The following MAP3K5 variants were observed in gnomAD, a reference collection of about 807,000 sequenced individuals.
MAP3K5 encodes the protein mitogen-activated protein kinase kinase kinase 5, also known as ASK-1.
MAP3K5 carries 56 observed loss-of-function variants against 158.7 expected under a neutral mutation model. The observed-to-expected ratio is 0.35, with a 90% confidence interval of 0.28 to 0.44. The LOEUF is 0.44. MAP3K5 is among the 20% of genes least tolerant of loss of function. The pLI is 1.00. For synonymous variants in MAP3K5, 579 were observed against 601.7 expected (o/e 0.96, Z 0.55); for missense variants, 1,294 against 1,674.8 (o/e 0.77, Z 3.97).
chr6:136,678,654 T>C lies in MAP3K5; in HGVS notation c.1254-9259A>G, dbSNP rs144281274. Among the ~76,000 whole-genome samples, 8 of 152,254 alleles carry C rather than the reference T, an allele frequency of 5.3e-5. No homozygotes were observed. The East Asian group carries it at 5.8e-4, about 11-fold the overall frequency. ...TTTAGTGGCTATCTTTGAGTAACCA[T>C]ACGAAGTTATTTCCACTCCTGTTGA... On this transcript the variant is annotated intron_variant, in intron 7 of 29. Transcript: ENST00000359015.
Position 136,562,606 on chromosome 6 carries a change from T to C in MAP3K5, c.3771A>G (p.Glu1257=). The change falls in exon 27 of 30, where the codon GAA becomes GAG. Residue 1257 remains glutamate, a synonymous_variant. Coordinates refer to ENST00000359015, the MANE Select transcript of MAP3K5 (RefSeq NM_005923.4). ...ATTCTTTCTCTTTCCGAACCAATTC[T>C]TCCAGTAATCTGCAGAAGAAAAATA... ...RMKIETNRLL[E]ELVRKEKELQ... is the part of the protein sequence containing the mutation. 1 of 1,584,862 alleles carries C rather than the reference T, an allele frequency of 6.3e-7. No individual in the cohort carries two copies. Among genetic ancestry groups the C allele is most frequent in the African/African-American group, 1.4e-5 (1 of 73,656 alleles).
chr6:136,692,751 T>A (rs1780441002), intron 7 of MAP3K5, among the ~76,000 whole-genome samples: 1 of 152,174 alleles, frequency 6.6e-6, no homozygotes, highest in Admixed American at 6.5e-5. Flanking sequence ...TTAAGAAATC[T>A]TTGCCCCAGT....
At chr6:136,778,074 T>TA (rs1392880352) in intron 1 of MAP3K5, among the ~76,000 whole-genome samples, 1 of 152,196 alleles carries the variant, frequency 6.6e-6, no homozygotes, top group African/African-American at 2.4e-5. Flanking sequence ...TCTCAGGCAA[T>TA]AACTCTTATT....
At chr6:136,661,443 T>C (rs1779001634) in intron 8 of MAP3K5, among the ~76,000 whole-genome samples, 4 of 152,220 alleles carry the variant, frequency 2.6e-5, no homozygotes. Context: ...TCGCCCAGGC[T>C]GGAGTGCAGT....
At chr6:136,572,902 G>C (rs1774433754) in intron 25 of MAP3K5, among the ~76,000 whole-genome samples, 2 of 152,172 alleles carry the variant, frequency 1.3e-5, no homozygotes, top group South Asian at 4.1e-4. Flanking sequence ...AGAGCGCTGA[G>C]AGCACATTGA....
At chr6:136,721,674 G>A (rs572029755) in intron 1 of MAP3K5, among the ~76,000 whole-genome samples, 4 of 152,228 alleles carry the variant, frequency 2.6e-5, no homozygotes, top group Middle Eastern at 3.4e-3. Flanking sequence ...TCAGCATCTC[G>A]AACATGCTCC....
chr6:136,724,146 G>T lies in MAP3K5; in HGVS notation c.449-3557C>A, dbSNP rs189983644. Among the ~76,000 whole-genome samples the T allele has an allele frequency of 6.6e-4, 101 of 151,932 alleles. 1 individual carries two copies. Among genetic ancestry groups the T allele is most frequent in the Middle Eastern group, 3.4e-3 (1 of 292 alleles). On this transcript the variant is annotated intron_variant, in intron 1 of 29. Coordinates refer to ENST00000359015, the MANE Select transcript of MAP3K5 (RefSeq NM_005923.4). ...AAAATACTAGCTAAGTTAAAGTAAT[G>T]AAAGGAGGGGATAAATTTTTCCAGA...
At position 136,611,599 on chromosome 6, in the gene MAP3K5, C is replaced by T. The variant is rs571905572; in HGVS notation, c.2416-212G>A. The stretch of plus-strand genomic sequence containing the variant: ...ATCAGTTTGAAACCAACCGCCTTTG[C>T]GAAAATTACAACAGTGAGAAAATTA... On this transcript the variant is annotated intron_variant, in intron 17 of 29. Transcript: ENST00000359015. Among the ~76,000 whole-genome samples, 8 of 152,300 alleles carry T rather than the reference C, an allele frequency of 5.3e-5. No individual in the cohort carries two copies. In the South Asian group the frequency reaches 6.2e-4, roughly 12 times the overall value.
At chr6:136,643,025 C>T (rs544608811) in intron 11 of MAP3K5, among the ~76,000 whole-genome samples, 33 of 152,198 alleles carry the variant, frequency 2.2e-4, no homozygotes, top group South Asian at 4.1e-4. Context: ...ACTAAATAGG[C>T]GGTTCTATTT....
At chr6:136,560,081 A>G (rs1830438466) in intron 28 of MAP3K5, among the ~76,000 whole-genome samples, 1 of 139,476 alleles carries the variant, frequency 7.2e-6, no homozygotes, top group Non-Finnish European at 1.5e-5. Flanking sequence ...ATAAAACAAA[A>G]CAATATTGTA....
intron 8 of MAP3K5, among the ~76,000 whole-genome samples, chr6:136,666,195 A>C (rs552205426): frequency 6.6e-6 from 1 of 152,356 alleles, no homozygotes; most frequent in South Asian, 2.1e-4. Flanking sequence ...GGAAAAGTAA[A>C]ACACAGATCC....
chr6:136,638,138 A>G (rs770095034), intron 13 of MAP3K5, among the ~76,000 whole-genome samples: 1 of 152,198 alleles, frequency 6.6e-6, no homozygotes, highest in Non-Finnish European at 1.5e-5. Flanking sequence ...CCTGATTGGA[A>G]TAACAGTTTG....
intron 8 of MAP3K5, among the ~76,000 whole-genome samples, chr6:136,661,796 C>T (rs1356905966): frequency 6.6e-6 from 1 of 152,178 alleles, no homozygotes; most frequent in Non-Finnish European, 1.5e-5. Context: ...TCGCCTTGGC[C>T]TCCCAAAGTT....
At chr6:136,629,675 C>T (rs1027689839) in intron 14 of MAP3K5, among the ~76,000 whole-genome samples, 2 of 152,134 alleles carry the variant, frequency 1.3e-5, no homozygotes, top group African/African-American at 4.8e-5. Context: ...AGGATGGTCT[C>T]AATCTCCTGA....
rs932518020 is a variant in MAP3K5, at chr6:136,631,047, C to T, written c.2016+6278G>A. 4.0e-5 allele frequency among the ~76,000 whole-genome samples: 6 copies of T among 151,712 alleles called. No individual in the cohort carries two copies. In the East Asian group the frequency reaches 5.8e-4, roughly 15 times the overall value. ...CCAAGAGATAGAGGCTGCAATGAGC[C>T]GAGATCACACCACTGCACTCCAGCC... On this transcript the variant is annotated intron_variant, in intron 14 of 29. Transcript: ENST00000359015.
chr6:136,690,910 G>A (rs999578409), intron 7 of MAP3K5, among the ~76,000 whole-genome samples: 1 of 152,064 alleles, frequency 6.6e-6, no homozygotes, highest in African/African-American at 2.4e-5. Flanking sequence ...CAGTTTTGAT[G>A]TATCTAGAAT....
At chr6:136,601,765 G>A (rs908568144) in intron 20 of MAP3K5, 37 bp downstream of exon 20, 1 of 1,586,538 alleles carries the variant, frequency 6.3e-7, no homozygotes. Context: ...TAGGATTGAA[G>A]GACTCAGACT....
chr6:136,684,487 T>C (rs1390982539), intron 7 of MAP3K5, among the ~76,000 whole-genome samples: 3 of 152,200 alleles, frequency 2.0e-5, no homozygotes, highest in African/African-American at 4.8e-5. Flanking sequence ...GTGGAGATAA[T>C]CTGGCAATGA....
At chr6:136,719,046 T>TGCA (rs1359194090) in intron 2 of MAP3K5, among the ~76,000 whole-genome samples, 3 of 152,032 alleles carry the variant, frequency 2.0e-5, no homozygotes, top group African/African-American at 4.8e-5. Context: ...TGAGGTAGCA[T>TGCA]GCATCTGTAG....
Sources: allele counts gnomAD v4.1 joint callset (sites outside exome capture counted in the v4.1 genomes callset), GRCh38; gene constraint gnomAD v4.1.1; transcripts MANE v1.5; gene names NCBI Gene and HGNC (gene_info 2026-07-23, HGNC 2026-07-21).